The following B3GLCT variants were observed in gnomAD, a reference collection of about 807,000 sequenced individuals.
B3GLCT encodes beta-1,3-glucosyltransferase.
B3GLCT carries 65 observed loss-of-function variants against 63.4 expected under a neutral mutation model. That is an observed-to-expected ratio of 1.03 (90% CI 0.84 to 1.26). B3GLCT has a LOEUF of 1.26. Ranked by LOEUF, B3GLCT falls within the 50% of genes most tolerant of loss-of-function variation. The pLI, the probability that B3GLCT is intolerant of heterozygous loss-of-function variation, is 0.00. For synonymous variants in B3GLCT, 233 were observed against 219.2 expected, an observed-to-expected ratio of 1.06 and a Z score of -0.55; for missense variants, 577 against 604.8, an observed-to-expected ratio of 0.95 and a Z score of 0.48.
chr13:31,242,871 G>A (rs1036640879), intron 4 of B3GLCT, among the ~76,000 whole-genome samples: 4 of 151,700 alleles, frequency 2.6e-5, no homozygotes, highest in African/African-American at 9.7e-5. Context: ...TCTTTTTTTT[G>A]TAATATAGAC....
rs2137075 is a variant in B3GLCT at position 31,247,368 on chromosome 13, A to G, written c.347+269A>G. ...ACTTGGCTCCTGCAAGCTCTGCCTC[A>G]TGGGTTCAAGCAATTCCCTGCCTCA... On this transcript the variant is annotated intron_variant, in intron 5 of 14. Coordinates refer to ENST00000343307, the MANE Select transcript of B3GLCT (RefSeq NM_194318.4). Among the ~76,000 whole-genome samples the G allele has an allele frequency of 0.38, 58,436 of 151,882 alleles. 12,019 individuals are homozygous for G. The highest frequency in any genetic ancestry group is 0.72 in the East Asian group (3,725 of 5,150).
intron 10 of B3GLCT, among the ~76,000 whole-genome samples, chr13:31,280,446 A>G (rs891389270): frequency 6.6e-5 from 10 of 152,136 alleles, no homozygotes; most frequent in Non-Finnish European, 1.2e-4. Flanking sequence ...AAATCTAGAG[A>G]AACTGTACTT....
chr13:31,282,798 T>G (rs1371827872), intron 10 of B3GLCT, among the ~76,000 whole-genome samples: 1 of 152,218 alleles, frequency 6.6e-6, no homozygotes, highest in Non-Finnish European at 1.5e-5. Context: ...AATCAAAGGC[T>G]GAATTGCCTT....
chr13:31,202,698 C>A (rs73172830), intron 1 of B3GLCT, among the ~76,000 whole-genome samples: 31,406 of 152,042 alleles, frequency 0.21, 3,443 homozygotes, highest in Non-Finnish European at 0.23. Context: ...CCTGGTAAAG[C>A]TCATTCAAGG....
At chr13:31,273,863 C>T (rs1258816005) in intron 8 of B3GLCT, among the ~76,000 whole-genome samples, 1 of 152,172 alleles carries the variant, frequency 6.6e-6, no homozygotes, top group Non-Finnish European at 1.5e-5. Flanking sequence ...ATTCTTTTCC[C>T]TCCATTTAGA....
In B3GLCT at chr13:31,250,119, A is replaced by C. The variant is rs376200565; in HGVS notation, c.459+2153A>C. On this transcript the variant is annotated intron_variant, in intron 6 of 14. Coordinates refer to ENST00000343307, the MANE Select transcript of B3GLCT (RefSeq NM_194318.4). Reference sequence around the variant, plus strand: ...TTTGAAGTCTTTCCTTTGTAACCACAGTATGCTTTTAATATATGTGTATTT... The same window carrying C: ...TTTGAAGTCTTTCCTTTGTAACCACCGTATGCTTTTAATATATGTGTATTT... 2.4e-4 allele frequency among the ~76,000 whole-genome samples: 36 copies of C among 152,290 alleles called. No individual in the cohort carries two copies. The East Asian group carries it at 6.9e-3, about 29-fold the overall frequency.
At chr13:31,272,103 G>GA (rs1466734685) in intron 8 of B3GLCT, among the ~76,000 whole-genome samples, 2 of 151,686 alleles carry the variant, frequency 1.3e-5, no homozygotes, top group Non-Finnish European at 2.9e-5. Flanking sequence ...CCTCCAGTTT[G>GA]AAAATCTTTA....
chr13:31,251,593 C>T lies in B3GLCT; in HGVS notation c.459+3627C>T, dbSNP rs372451910. Among the ~76,000 whole-genome samples the T allele has an allele frequency of 2.4e-4, 36 of 152,154 alleles. No individual in the cohort carries two copies. In the South Asian group the frequency reaches 6.9e-3, roughly 29 times the overall value. ...CATACCCAAGTACCAATAGCCGAAT[C>T]GATCAAGTGGAAGAAAGGATATCAG... On this transcript the variant is annotated intron_variant, in intron 6 of 14. Transcript: ENST00000343307.
intron 6 of B3GLCT, among the ~76,000 whole-genome samples, chr13:31,248,944 C>T (rs1348930668): frequency 6.6e-6 from 1 of 152,210 alleles, no homozygotes; most frequent in East Asian, 1.9e-4. Flanking sequence ...TCATTCAGTT[C>T]TCTTTCAGAG....
intron 12 of B3GLCT, among the ~76,000 whole-genome samples, chr13:31,292,391 GCTC>G (rs1186635253): frequency 6.6e-6 from 1 of 152,176 alleles, no homozygotes; most frequent in African/African-American, 2.4e-5. Context: ...AGTGGTACCA[GCTC>G]CTCTTTGTAT....
At chr13:31,281,075 G>C (rs1012536159) in intron 10 of B3GLCT, among the ~76,000 whole-genome samples, 1 of 152,082 alleles carries the variant, frequency 6.6e-6, no homozygotes, top group Non-Finnish European at 1.5e-5. Flanking sequence ...AATTTTCTTT[G>C]CATCATTTTT....
At chr13:31,297,177 A>T (rs1016321243) in intron 12 of B3GLCT, among the ~76,000 whole-genome samples, 2 of 152,120 alleles carry the variant, frequency 1.3e-5, no homozygotes, top group Admixed American at 1.3e-4. Flanking sequence ...TTATCCATTC[A>T]TCTGTTGATG....
intron 6 of B3GLCT, among the ~76,000 whole-genome samples, chr13:31,257,403 T>C (rs1289125282): frequency 6.6e-6 from 1 of 152,056 alleles, no homozygotes; most frequent in Non-Finnish European, 1.5e-5. Context: ...CATCTCAAGC[T>C]GAGGTCATTT....
At chr13:31,241,268 G>A (rs1285108634) in intron 4 of B3GLCT, among the ~76,000 whole-genome samples, 1 of 152,238 alleles carries the variant, frequency 6.6e-6, no homozygotes, top group East Asian at 1.9e-4. Context: ...CCCAAGCTCA[G>A]GGGAGGGTGG....
At chr13:31,304,226 C>T (rs1229133748) in intron 12 of B3GLCT, among the ~76,000 whole-genome samples, 79 of 44,022 alleles carry the variant, frequency 1.8e-3, no homozygotes, top group Middle Eastern at 0.014. Context: ...CAAAATCATG[C>T]CAAAATGTAA....
At chr13:31,313,785 T>C (rs1197734136) in intron 12 of B3GLCT, among the ~76,000 whole-genome samples, 6 of 152,224 alleles carry the variant, frequency 3.9e-5, no homozygotes, top group Admixed American at 6.5e-5. Context: ...CTCCAGGTCA[T>C]GTCAGAGACC....
intron 2 of B3GLCT, among the ~76,000 whole-genome samples, chr13:31,222,308 C>A (rs1304643147): frequency 3.9e-5 from 6 of 151,940 alleles, no homozygotes; most frequent in African/African-American, 1.5e-4. Context: ...GAACTCCTGA[C>A]CTTGTGATCC....
intron 4 of B3GLCT, among the ~76,000 whole-genome samples, chr13:31,237,652 G>A (rs114543652): frequency 0.042 from 6,462 of 152,154 alleles, 153 homozygotes; most frequent in Non-Finnish European, 0.051. Context: ...ACCATGCCCC[G>A]TCTACTGGAG....
chr13:31,260,933 CTTTA>C lies in B3GLCT; in HGVS notation c.460-8_460-5del. The C allele has an allele frequency of 1.2e-6, 2 of 1,608,982 alleles. No homozygotes were observed. The highest frequency in any genetic ancestry group is 8.5e-7 in the Non-Finnish European group (1 of 1,175,492). ...TTGTTTTTAAAGTGACATGTTATAT[CTTTA>C]TTTAACAGGAATGGTTTTTGGGAAA... On this transcript the variant is annotated splice_polypyrimidine_tract_variant and intron_variant, in intron 6 of 14. Coordinates refer to ENST00000343307, the MANE Select transcript of B3GLCT (RefSeq NM_194318.4).
Sources: gnomAD v4.1 joint callset for allele counts (sites outside exome capture counted in the v4.1 genomes callset) on GRCh38, gnomAD v4.1.1 for gene constraint, MANE v1.5 for transcripts, NCBI Gene and HGNC (gene_info 2026-07-23, HGNC 2026-07-21) for gene names.